The following KIF17 variants were observed in gnomAD, a reference collection of about 807,000 sequenced individuals.
The protein encoded by KIF17 is kinesin family member 17, also known as kinesin-like protein KIF17.
A neutral mutation model predicts 96.8 loss-of-function variants in KIF17; 80 were observed. The observed-to-expected ratio is 0.83, with a 90% CI of 0.69 to 1.00. KIF17 has a LOEUF of 1.00. KIF17 is among the 50% of genes least tolerant of loss of function. The pLI is 0.00. For missense variants in KIF17, 1,280 were observed against 1,372.9 expected (o/e 0.93, Z 1.07); for synonymous variants, 567 against 587.5 (o/e 0.97, Z 0.51).
chr1:20,702,078 C>G (rs2054247428), intron 5 of KIF17, among the ~76,000 whole-genome samples: 1 of 152,202 alleles, frequency 6.6e-6, no homozygotes, highest in African/African-American at 2.4e-5. Flanking sequence ...CCCACCGTGC[C>G]AGGCCTCGTG....
downstream of KIF17, among the ~76,000 whole-genome samples, chr1:20,661,742 C>T (rs996492795): frequency 6.6e-6 from 1 of 152,280 alleles, no homozygotes; most frequent in African/African-American, 2.4e-5. Flanking sequence ...GCTTGACCGT[C>T]GCGTCCTGGA....
chr1:20,696,939 G>A (rs2054152478), intron 6 of KIF17, among the ~76,000 whole-genome samples: 1 of 152,212 alleles, frequency 6.6e-6, no homozygotes, highest in Admixed American at 6.5e-5. Flanking sequence ...CGGCAGTGGA[G>A]GGAGAAAGGC....
intron 11 of KIF17, among the ~76,000 whole-genome samples, chr1:20,676,613 C>G (rs896269863): frequency 5.3e-5 from 8 of 151,672 alleles, no homozygotes; most frequent in Admixed American, 2.6e-4. Flanking sequence ...GGGCGGATCA[C>G]TTGAGGTCAG....
At chr1:20,697,083 A>ACGCCTC (rs965240716) in intron 6 of KIF17, among the ~76,000 whole-genome samples, 6 of 150,328 alleles carry the variant, frequency 4.0e-5, no homozygotes, top group Non-Finnish European at 8.9e-5. Context: ...GATTTCTCCC[A>ACGCCTC]CGCCTCCGGC....
At chr1:20,706,028 T>C (rs2054335514) in intron 4 of KIF17, among the ~76,000 whole-genome samples, 1 of 149,112 alleles carries the variant, frequency 6.7e-6, no homozygotes, top group African/African-American at 2.5e-5. Flanking sequence ...CCTGCTTCAG[T>C]CTCCCGAGTA....
At chr1:20,692,049 T>C (rs1265891638) in intron 6 of KIF17, among the ~76,000 whole-genome samples, 1 of 152,148 alleles carries the variant, frequency 6.6e-6, no homozygotes, top group Non-Finnish European at 1.5e-5. Flanking sequence ...CCCAGGTGTC[T>C]CCCCTGCTTA....
chr1:20,711,279 C>A (rs879909413), intron 3 of KIF17, among the ~76,000 whole-genome samples: 1 of 152,164 alleles, frequency 6.6e-6, no homozygotes, highest in Non-Finnish European at 1.5e-5. Context: ...ACACCTCACC[C>A]GAGGGGTCTC....
intron 11 of KIF17, among the ~76,000 whole-genome samples, chr1:20,681,972 C>T (rs1003403755): frequency 6.6e-6 from 1 of 152,140 alleles, no homozygotes; most frequent in African/African-American, 2.4e-5. Context: ...GTAATTTGTG[C>T]ACTTAACCAT....
chr1:20,712,135 TA>T (rs1314489026), intron 3 of KIF17, among the ~76,000 whole-genome samples: 1 of 152,066 alleles, frequency 6.6e-6, no homozygotes, highest in African/African-American at 2.4e-5. Flanking sequence ...TAGGCCCGGG[TA>T]ACTGAGGCCT....
chr1:20,682,902 A>C lies in KIF17; in HGVS notation c.2232-18T>G. 1 of 1,602,252 alleles carries C rather than the reference A, an allele frequency of 6.2e-7. No homozygotes were observed. The highest frequency in any genetic ancestry group is 8.5e-7 in the Non-Finnish European group (1 of 1,175,558). On this transcript the variant is annotated intron_variant, in intron 10 of 14. Coordinates refer to ENST00000400463, the MANE Select transcript of KIF17 (RefSeq NM_001122819.3). ...GCTGCAGACTGCCGGCGTGGAGGAG[A>C]AAGCAAACAAGACAATATCTGCCCA...
At chr1:20,666,892 C>T (rs913955311) in intron 13 of KIF17, among the ~76,000 whole-genome samples, 2 of 152,164 alleles carry the variant, frequency 1.3e-5, no homozygotes, top group Non-Finnish European at 2.9e-5. Flanking sequence ...ATTCATAGTG[C>T]CCTATACTAC....
In KIF17 at chr1:20,698,388, CA is replaced by C. The variant is rs2054179128; in HGVS notation, c.1223del (p.Leu408ArgfsTer13). ...CCCGCTTGGGTCTCACCTCCCGGAT[CA>C]GCTGCTTCTCGGCCTCCACGTCATG... is the stretch of plus-strand genomic sequence containing the variant. ...IQHDVEAEKQ[L>X]IREEYEERLA... On this transcript the variant is annotated frameshift_variant, in exon 6 of 15. Coordinates refer to ENST00000400463, the MANE Select transcript of KIF17 (RefSeq NM_001122819.3). LOFTEE classifies it high-confidence loss of function. The C allele has an allele frequency of 1.2e-6, 2 of 1,613,032 alleles. No homozygotes were observed. Among genetic ancestry groups the C allele is most frequent in the Non-Finnish European group, 1.7e-6 (2 of 1,179,288 alleles).
At chr1:20,676,651 G>T (rs2053742413) in intron 11 of KIF17, among the ~76,000 whole-genome samples, 1 of 152,036 alleles carries the variant, frequency 6.6e-6, no homozygotes, top group African/African-American at 2.4e-5. Flanking sequence ...GGCCAACATG[G>T]TGAAACCTTA....
At chr1:20,669,535 C>T (rs965913822) in intron 13 of KIF17, among the ~76,000 whole-genome samples, 11 of 54,946 alleles carry the variant, frequency 2.0e-4, no homozygotes, top group Non-Finnish European at 3.6e-4. Flanking sequence ...GACTCTGTCT[C>T]GAAATAATAA....
chr1:20,717,934 C>G lies in KIF17; in HGVS notation c.-228G>C. The G allele has an allele frequency of 5.5e-6, 1 of 182,262 alleles. No individual in the cohort carries two copies. Among genetic ancestry groups the G allele is most frequent in the Middle Eastern group, 2.5e-3 (1 of 400 alleles). 11.3% of individuals were successfully genotyped at this position (182,262 alleles called of 1,614,324 possible). On this transcript the variant is annotated 5_prime_UTR_variant, in exon 1 of 15. Coordinates refer to ENST00000400463, the MANE Select transcript of KIF17 (RefSeq NM_001122819.3). ...CCGCTTCCTCCCGCGCCCGGGCTCG[C>G]CCGTTTCTGAGGCCCGGCCCGAGCG...
At chr1:20,680,125 C>G (rs1427544771) in intron 11 of KIF17, among the ~76,000 whole-genome samples, 1 of 152,148 alleles carries the variant, frequency 6.6e-6, no homozygotes, top group African/African-American at 2.4e-5. Flanking sequence ...GCTGAGATTA[C>G]AGGCATAAGC....
rs1398786808 is a variant in KIF17, at chr1:20,682,866, C to T, written c.2250G>A (p.Gln750=). 6.2e-7 allele frequency: 1 copy of T among 1,611,086 alleles called. No individual in the cohort carries two copies. The change falls in exon 11 of 15, where the codon CAG becomes CAA. Residue 750 remains glutamine (Q), a synonymous_variant. Coordinates refer to ENST00000400463, the MANE Select transcript of KIF17 (RefSeq NM_001122819.3). ...TGGCCTGCTCTCCACCCACAACCTG[C>T]TGCTCCAACAGCTGCAGACTGCCGG... The part of the protein sequence containing the change: ...QVLARLQLLE[Q]QVVGGEQAKN...
At chr1:20,697,419 G>A (rs1374897176) in intron 6 of KIF17, among the ~76,000 whole-genome samples, 1 of 150,708 alleles carries the variant, frequency 6.6e-6, no homozygotes, top group Non-Finnish European at 1.5e-5. Flanking sequence ...ACCAGCCTAG[G>A]CAACATAGAG....
intron 2 of KIF17, among the ~76,000 whole-genome samples, chr1:20,714,678 T>A (rs1188011167): frequency 6.7e-6 from 1 of 149,714 alleles, no homozygotes; most frequent in Non-Finnish European, 1.5e-5. Context: ...GCGCCTGTAA[T>A]CCCAGCTACT....
Sources: gnomAD v4.1 joint callset for allele counts (sites outside exome capture counted in the v4.1 genomes callset) on GRCh38, gnomAD v4.1.1 for gene constraint, MANE v1.5 for transcripts, NCBI Gene and HGNC (gene_info 2026-07-23, HGNC 2026-07-21) for gene names.